Variants in PTPRF observed in about 807,000 individuals in gnomAD.
PTPRF encodes the protein protein tyrosine phosphatase receptor type F, also known as receptor-type tyrosine-protein phosphatase F.
PTPRF carries 59 observed loss-of-function variants against 201.8 expected under a neutral mutation model. The observed-to-expected ratio is 0.29, with a 90% CI of 0.24 to 0.36. The LOEUF is 0.36. PTPRF is among the 10% of genes least tolerant of loss of function. The probability of loss-of-function intolerance (pLI) is 1.00; values close to 1 mark genes in which losing one functional copy is unlikely to be tolerated. For missense variants in PTPRF, 2,132 were observed against 2,690.5 expected (o/e 0.79, Z 4.59); for synonymous variants, 1,088 against 1,089.7 (o/e 1.00, Z 0.03).
intron 21 of PTPRF, 96 bp downstream of exon 21, chr1:43,607,064 C>T: frequency 6.7e-7 from 1 of 1,481,750 alleles, no homozygotes; most frequent in East Asian, 2.3e-5. Context: ...TGCAGCCTTG[C>T]ATCCTGGACC....
Position 43,554,857 on chromosome 1 carries a change from CT to C in PTPRF, c.379+929del, listed in dbSNP as rs1553174851. ...TTTTTTTTCTTTTCTTTCTTTCTTT[CT>C]TTTTTTTTTTTTGAGATGCAGTCTC... On this transcript the variant is annotated intron_variant, in intron 5 of 33. Coordinates refer to ENST00000359947, the MANE Select transcript of PTPRF (RefSeq NM_002840.5). This position sits in a 1 kb window ranked among gnomAD's most constrained non-coding sequence, Gnocchi z 4.1. 1.8e-3 allele frequency among the ~76,000 whole-genome samples: 235 copies of C among 133,228 alleles called. No homozygotes were observed. The highest frequency in any genetic ancestry group is 2.1e-3 in the Non-Finnish European group (137 of 64,518). The allele number at this position is 133,228 out of a possible 152,430, so 87.4% of individuals were successfully genotyped here.
At chr1:43,549,058 A>C (rs926090411) in intron 3 of PTPRF, among the ~76,000 whole-genome samples, 4 of 152,144 alleles carry the variant, frequency 2.6e-5, no homozygotes, top group Non-Finnish European at 4.4e-5. Flanking sequence ...GTTGCCGTCC[A>C]TACCCCGGGA....
At chr1:43,582,159 C>T (rs750042236) in intron 7 of PTPRF, among the ~76,000 whole-genome samples, 5 of 152,222 alleles carry the variant, frequency 3.3e-5, no homozygotes, top group Non-Finnish European at 7.3e-5. Context: ...CTCCCAGTGT[C>T]GCTCTCTGAG....
intron 6 of PTPRF, among the ~76,000 whole-genome samples, chr1:43,574,721 G>A (rs532367587): frequency 2.6e-5 from 4 of 152,300 alleles, no homozygotes; most frequent in South Asian, 4.1e-4. Flanking sequence ...ATCATTGTGC[G>A]GATTCTTCCC....
chr1:43,562,363 C>G (rs1266781911), intron 5 of PTPRF, among the ~76,000 whole-genome samples: 1 of 151,934 alleles, frequency 6.6e-6, no homozygotes, highest in South Asian at 2.1e-4. Context: ...CCGCCTCAGC[C>G]TCCCAAAGTG....
Position 43,604,978 on chromosome 1 carries a change from A to G in PTPRF, c.3113A>G (p.Tyr1038Cys), listed in dbSNP as rs768996333. Reference protein sequence around the residue: ...VLLSWEVPDSYKSAVPFKILY... With the variant: ...VLLSWEVPDSCKSAVPFKILY... ...CTCAGCTGGGAGGTTCCCGACTCCTATAAGTCAGCTGTGCCCTTTAAGGTG... is the reference window on the plus strand; with the variant it reads ...CTCAGCTGGGAGGTTCCCGACTCCTGTAAGTCAGCTGTGCCCTTTAAGGTG... Residue 1038 changes from tyrosine to cysteine, a missense_variant, in exon 17 of 34, where the codon TAT becomes TGT. Physicochemically the swap from Tyr to Cys is radical, Grantham distance 194 (BLOSUM62 -2). Transcript: ENST00000359947. 34 of 1,614,010 alleles carry G rather than the reference A, an allele frequency of 2.1e-5. No individual in the cohort carries two copies. The highest frequency in any genetic ancestry group is 2.5e-5 in the Non-Finnish European group (29 of 1,180,036).
At chr1:43,606,114 G>C in intron 19 of PTPRF, 126 bp from the exon 20 acceptor site, 2 of 1,029,194 alleles carry the variant, frequency 1.9e-6, no homozygotes. Flanking sequence ...GGTTGGGCAG[G>C]TGTGGGCTCT....
At position 43,609,389 on chromosome 1, in the gene PTPRF, G is replaced by A. The variant is rs1214218722; in HGVS notation, c.3864G>A (p.Arg1288=). 10 of 1,613,736 alleles carry A rather than the reference G, an allele frequency of 6.2e-6. No homozygotes were observed. Among genetic ancestry groups the A allele is most frequent in the Admixed American group, 3.3e-5 (2 of 59,990 alleles). The stretch of plus-strand genomic sequence containing the variant: ...CTCCCTTCTGTCTCTCTAGGAAAAG[G>A]ACCCACTCTCCGTCCTCTAAGGATG... ...VIAILLFKRK[R]THSPSSKDEQ... Residue 1288 remains arginine, a synonymous_variant, in exon 22 of 34, where the codon AGG becomes AGA. Coordinates refer to ENST00000359947, the MANE Select transcript of PTPRF (RefSeq NM_002840.5).
Position 43,603,690 on chromosome 1 carries a change from G to C in PTPRF, c.2538G>C (p.Leu846=), listed in dbSNP as rs371712672. The change falls in exon 16 of 34, where the codon CTG becomes CTC. Residue 846 remains leucine, a synonymous_variant. Transcript: ENST00000359947. This position sits in a 1 kb window ranked among gnomAD's most constrained non-coding sequence, Gnocchi z 5.8. ...TCCAGTGGCACCCACCCAAGGAACT[G>C]CCTGGCGAGCTGCTGGGCTACCGGC... ...ALLQWHPPKE[L]PGELLGYRLQ... 147 of 1,613,614 alleles carry C rather than the reference G, an allele frequency of 9.1e-5. No homozygotes were observed. Among genetic ancestry groups the C allele is most frequent in the African/African-American group, 3.5e-4 (26 of 75,060 alleles).
In PTPRF at chr1:43,620,822, C is replaced by A; in HGVS notation, c.5365-16C>A. 1.2e-6 allele frequency: 2 copies of A among 1,604,978 alleles called. No individual in the cohort carries two copies. Among genetic ancestry groups the A allele is most frequent in the Non-Finnish European group, 1.7e-6 (2 of 1,175,034 alleles). On this transcript the variant is annotated splice_polypyrimidine_tract_variant and intron_variant, in intron 31 of 33. Transcript: ENST00000359947. Reference sequence around the variant, plus strand: ...AGGCACGAATTCTAATCATGTACCCCACCCACCTTTCCCAGGATGGGCAGT... The same window carrying A: ...AGGCACGAATTCTAATCATGTACCCAACCCACCTTTCCCAGGATGGGCAGT...
At chr1:43,551,910 C>T (rs901434965) in intron 3 of PTPRF, among the ~76,000 whole-genome samples, 5 of 152,000 alleles carry the variant, frequency 3.3e-5, no homozygotes, top group African/African-American at 1.2e-4. Context: ...ACCCCCAGAG[C>T]CCCTGGCCCC....
chr1:43,578,704 C>T lies in PTPRF; in HGVS notation c.569-106C>T, dbSNP rs539967109. Reference sequence around the variant, plus strand: ...GCCAGGGTGTGGCCTGGATGAGCTTCGACATCTGGTCAACATCAGCCACAG... The same window carrying T: ...GCCAGGGTGTGGCCTGGATGAGCTTTGACATCTGGTCAACATCAGCCACAG... On this transcript the variant is annotated intron_variant, in intron 6 of 33. Transcript: ENST00000359947. 107 of 833,612 alleles carry T rather than the reference C, an allele frequency of 1.3e-4. No individual in the cohort carries two copies. The East Asian group carries it at 2.6e-3, about 20-fold the overall frequency. The allele number at this position is 833,612 out of a possible 1,614,324, so 51.6% of individuals were successfully genotyped here.
chr1:43,546,634 G>A lies in PTPRF; in HGVS notation c.91+1468G>A, dbSNP rs1247362508. ...GGAGCTCTAGGGCAGGGGAAGGATG[G>A]CCCAGTTGGGCTTCAACAGATAACA... On this transcript the variant is annotated intron_variant, in intron 3 of 33. Transcript: ENST00000359947. This position sits in a 1 kb window ranked among gnomAD's most constrained non-coding sequence, Gnocchi z 4.2. Among the ~76,000 whole-genome samples the A allele has an allele frequency of 6.6e-6, 1 of 152,026 alleles. No homozygotes were observed. Among genetic ancestry groups the A allele is most frequent in the Non-Finnish European group, 1.5e-5 (1 of 67,986 alleles).
upstream of PTPRF, among the ~76,000 whole-genome samples, chr1:43,529,919 C>A (rs149326578): frequency 4.6e-4 from 70 of 152,042 alleles, no homozygotes; most frequent in South Asian, 8.3e-4. Context: ...AATTCCGAGG[C>A]CAATGTAAGG....
In PTPRF at chr1:43,546,616, T is replaced by G. The variant is rs915479215; in HGVS notation, c.91+1450T>G. 6.6e-6 allele frequency among the ~76,000 whole-genome samples: 1 copy of G among 151,968 alleles called. No homozygotes were observed. The highest frequency in any genetic ancestry group is 1.5e-5 in the Non-Finnish European group (1 of 67,972). ...TTTCAGGGCCTTCAGACAGGAGCTC[T>G]AGGGCAGGGGAAGGATGGCCCAGTT... is the stretch of plus-strand genomic sequence containing the variant. On this transcript the variant is annotated intron_variant, in intron 3 of 33. Transcript: ENST00000359947. This position sits in a 1 kb window ranked among gnomAD's most constrained non-coding sequence, Gnocchi z 4.2.
At chr1:43,544,190 CCAT>C (rs1644517765) in intron 2 of PTPRF, among the ~76,000 whole-genome samples, 2 of 152,334 alleles carry the variant, frequency 1.3e-5, no homozygotes, top group South Asian at 4.1e-4. Context: ...GGTTCACACC[CCAT>C]CATCCCTACA....
At chr1:43,613,226 A>G (rs930201104) in intron 22 of PTPRF, 1 of 316,000 alleles carries the variant, frequency 3.2e-6, no homozygotes, top group Non-Finnish European at 6.2e-6. Flanking sequence ...GGTGACTGCC[A>G]CCGGTGAGGG....
intron 32 of PTPRF, 41 bp from the exon 33 acceptor site, chr1:43,621,056 G>A (rs1659096423): frequency 6.2e-7 from 1 of 1,611,154 alleles, no homozygotes; most frequent in Non-Finnish European, 8.5e-7. Flanking sequence ...CCCACTGCAT[G>A]AGGCAAGCAG....
At chr1:43,524,053 A>G (rs974322250), upstream of PTPRF, among the ~76,000 whole-genome samples, 1 of 56,328 alleles carries the variant, frequency 1.8e-5, no homozygotes, top group Non-Finnish European at 3.4e-5. Context: ...ACTCTGTCAA[A>G]AAAAAAAAAA....
Sources: allele counts gnomAD v4.1 joint callset (sites outside exome capture counted in the v4.1 genomes callset), GRCh38; gene constraint gnomAD v4.1.1; non-coding constraint Gnocchi (gnomAD v3.1); transcripts MANE v1.5; gene names NCBI Gene and HGNC (gene_info 2026-07-23, HGNC 2026-07-21).